The following PASD1 variants were observed in gnomAD, a reference collection of about 807,000 sequenced individuals.
PASD1 encodes circadian clock protein PASD1.
PASD1 carries 13 observed loss-of-function variants against 58.8 expected under a neutral mutation model. The ratio of observed to expected loss-of-function variants is 0.22; its 90% CI spans 0.14 to 0.35. The LOEUF is 0.35. PASD1 is among the 10% of genes least tolerant of loss of function. The probability of loss-of-function intolerance (pLI) is 1.00; values close to 1 mark genes in which losing one functional copy is unlikely to be tolerated. For missense variants in PASD1, 734 were observed against 568.3 expected, an observed-to-expected ratio of 1.29 and a Z score of -2.96; for synonymous variants, 236 against 216.7, an observed-to-expected ratio of 1.09 and a Z score of -0.78.
At chrX:151,634,975 A>G (rs1387895536) in intron 8 of PASD1, among the ~76,000 whole-genome samples, 2 of 111,961 alleles carry the variant, frequency 1.8e-5, no homozygotes, top group East Asian at 5.6e-4. Context: ...TACCTTCTAC[A>G]TTTATTGGTT....
chrX:151,594,875 C>A (rs1486929478), intron 1 of PASD1, among the ~76,000 whole-genome samples: 1 of 110,779 alleles, frequency 9.0e-6, no homozygotes, highest in African/African-American at 3.3e-5. Context: ...CTGAAAATAT[C>A]TTTAGTTTTC....
In PASD1 at chrX:151,565,614, G is replaced by A. The variant is rs769044383; in HGVS notation, c.-28+1775G>A. Among the ~76,000 whole-genome samples, 12 of 101,083 alleles carry A rather than the reference G, an allele frequency of 1.2e-4. No homozygotes were observed. In the South Asian group the frequency reaches 5.7e-3, roughly 48 times the overall value. The allele number at this position is 101,083 out of a possible 115,157, so 87.8% of individuals were successfully genotyped here. The stretch of plus-strand genomic sequence containing the variant: ...TCGCTCTCAACCAGGCTGGAGTGCA[G>A]TGGCGTGATCTCGGCTCACTGCAAG... On this transcript the variant is annotated intron_variant, in intron 1 of 15. Coordinates refer to ENST00000370357, the MANE Select transcript of PASD1 (RefSeq NM_173493.3).
intron 10 of PASD1, among the ~76,000 whole-genome samples, chrX:151,663,109 G>A (rs1013015044): frequency 1.8e-5 from 2 of 111,462 alleles, no homozygotes; most frequent in South Asian, 7.5e-4. Context: ...ACAGTTCTAT[G>A]GATTTTGACA....
chrX:151,600,412 T>G (rs2013400554), intron 1 of PASD1, among the ~76,000 whole-genome samples: 1 of 111,710 alleles, frequency 9.0e-6, no homozygotes, highest in African/African-American at 3.3e-5. Context: ...GGAAATTCTG[T>G]GGAATCTGTC....
chrX:151,648,708 T>C lies in PASD1; in HGVS notation c.717+6T>C, dbSNP rs373863634. 23 of 1,207,199 alleles carry C rather than the reference T, an allele frequency of 1.9e-5. No individual in the cohort carries two copies. The African/African-American group carries it at 3.3e-4, about 18-fold the overall frequency. ...CTGCTGCTGCTATCTCAGACGTATG[T>C]ACATTGAGGACCATAGACTACAATC... On this transcript the variant is annotated splice_donor_region_variant and intron_variant, in intron 9 of 15. Coordinates refer to ENST00000370357, the MANE Select transcript of PASD1 (RefSeq NM_173493.3).
At position 151,634,428 on chromosome X, in the gene PASD1, T is replaced by A. The variant is rs1412813191; in HGVS notation, c.629+8898T>A. 6.3e-5 allele frequency among the ~76,000 whole-genome samples: 7 copies of A among 111,819 alleles called. No individual in the cohort carries two copies. The East Asian group carries it at 2.0e-3, about 31-fold the overall frequency. On this transcript the variant is annotated intron_variant, in intron 8 of 15. Coordinates refer to ENST00000370357, the MANE Select transcript of PASD1 (RefSeq NM_173493.3). ...GGTTATAATATCAGGAATTTTGGTA[T>A]CTGTGGAATATTATTATCATCTATT...
At chrX:151,609,365 G>C (rs79966640) in intron 3 of PASD1, among the ~76,000 whole-genome samples, 1 of 111,322 alleles carries the variant, frequency 9.0e-6, no homozygotes, top group East Asian at 2.8e-4. Flanking sequence ...GAATTCAGTG[G>C]CATTAAGTAC....
intron 8 of PASD1, among the ~76,000 whole-genome samples, chrX:151,626,409 C>T (rs941647883): frequency 1.5e-4 from 17 of 111,681 alleles, no homozygotes; most frequent in South Asian, 3.7e-4. Context: ...TTGCCAGATA[C>T]CACTAAAACC....
chrX:151,589,815 A>G (rs80153773), intron 1 of PASD1, among the ~76,000 whole-genome samples: 1 of 112,060 alleles, frequency 8.9e-6, no homozygotes, highest in Non-Finnish European at 1.9e-5. Flanking sequence ...TATAAAAAAA[A>G]TGTACTTGCT....
intron 1 of PASD1, among the ~76,000 whole-genome samples, chrX:151,599,913 C>T (rs2013387506): frequency 2.7e-5 from 3 of 111,764 alleles, no homozygotes; most frequent in Admixed American, 1.9e-4. Flanking sequence ...CCAAGGCAGG[C>T]GGCTGGGAGG....
intron 10 of PASD1, among the ~76,000 whole-genome samples, chrX:151,660,989 T>TA (rs1312966261): frequency 1.4e-4 from 15 of 110,866 alleles, no homozygotes; most frequent in Admixed American, 3.8e-4. Flanking sequence ...CCGTCTCTAC[T>TA]AAAAATACAA....
chrX:151,572,419 C>T (rs891783858), intron 1 of PASD1, among the ~76,000 whole-genome samples: 5 of 111,490 alleles, frequency 4.5e-5, no homozygotes, highest in African/African-American at 6.5e-5. Flanking sequence ...ATGTAGAACC[C>T]GCTGTCCTGG....
At chrX:151,638,771 A>G (rs1320512938) in intron 8 of PASD1, among the ~76,000 whole-genome samples, 1 of 111,594 alleles carries the variant, frequency 9.0e-6, no homozygotes, top group African/African-American at 3.3e-5. Flanking sequence ...TTACCGAACC[A>G]AGACCACATA....
chrX:151,652,628 G>T (rs1049707120), intron 9 of PASD1, among the ~76,000 whole-genome samples: 1 of 111,104 alleles, frequency 9.0e-6, no homozygotes, highest in African/African-American at 3.3e-5. Flanking sequence ...GATAGAACAG[G>T]ATGAGGAGGT....
chrX:151,581,607 T>C (rs1235143583), intron 1 of PASD1, among the ~76,000 whole-genome samples: 4 of 111,357 alleles, frequency 3.6e-5, no homozygotes, highest in Non-Finnish European at 7.5e-5. Flanking sequence ...ATTAATTTAA[T>C]TTAATAGAAA....
rs2014485461 is a variant in PASD1, at chrX:151,672,274, A to C, written c.1529A>C (p.Gln510Pro). The C allele has an allele frequency of 8.6e-7, 1 of 1,166,403 alleles. No individual in the cohort carries two copies. The highest frequency in any genetic ancestry group is 1.1e-6 in the Non-Finnish European group (1 of 873,026). ...CAGCTGAGAGAGCAAAGGAAGGTGC[A>C]GAAGCAGAAGAAGATGCAGGAGAAG... ...LQQLREQRKV[Q>P]KQKKMQEKKK... is the part of the protein sequence containing the mutation. The change falls in exon 14 of 16, where the codon CAG becomes CCG. Residue 510 changes from glutamine (Q) to proline (P), a missense_variant. Gln to Pro is a moderately conservative substitution (Grantham distance 76). Transcript: ENST00000370357.
chrX:151,574,955 A>G (rs1376880898), intron 1 of PASD1, among the ~76,000 whole-genome samples: 1 of 111,977 alleles, frequency 8.9e-6, no homozygotes, highest in African/African-American at 3.2e-5. Context: ...CCCAGCCATC[A>G]CGCACTTTTG....
Position 151,662,064 on chromosome X carries a change from C to T in PASD1, c.842-2055C>T, listed in dbSNP as rs185883613. Among the ~76,000 whole-genome samples the T allele has an allele frequency of 3.0e-3, 336 of 112,401 alleles. 3 individuals are homozygous for T. The highest frequency in any genetic ancestry group is 5.3e-3 in the Non-Finnish European group (284 of 53,215). ...CATGCACATAATGTTTTCTGTTTCT[C>T]CTTAAACTCTCCTTCACATTTAGCA... On this transcript the variant is annotated intron_variant, in intron 10 of 15. Coordinates refer to ENST00000370357, the MANE Select transcript of PASD1 (RefSeq NM_173493.3).
At chrX:151,639,072 T>C (rs2013966958) in intron 8 of PASD1, among the ~76,000 whole-genome samples, 1 of 112,448 alleles carries the variant, frequency 8.9e-6, no homozygotes, top group South Asian at 3.7e-4. Flanking sequence ...CCTCATTTTG[T>C]GTTGTATTCC....
Sources: gnomAD v4.1 joint callset for allele counts (sites outside exome capture counted in the v4.1 genomes callset) on GRCh38, gnomAD v4.1.1 for gene constraint, MANE v1.5 for transcripts, NCBI Gene and HGNC (gene_info 2026-07-23, HGNC 2026-07-21) for gene names.